DOCK1: variants seen among roughly 807,000 people sequenced by gnomAD.
DOCK1 encodes the protein dedicator of cytokinesis 1, also known as dedicator of cytokinesis protein 1.
A neutral mutation model predicts 262.7 loss-of-function variants in DOCK1; 138 were observed. The ratio of observed to expected loss-of-function variants is 0.53; its 90% CI spans 0.46 to 0.61. The LOEUF is 0.61. Ranked by LOEUF, DOCK1 falls within the 20% of genes least tolerant of loss-of-function variation. DOCK1 has a pLI of 0.00. For missense variants in DOCK1, 1,908 were observed against 2,370.7 expected (o/e 0.80, Z 4.05); for synonymous variants, 866 against 867.4 (o/e 1.00, Z 0.03).
rs1044545293 is a variant in DOCK1, at chr10:126,938,377, A to G, written c.47-32325A>G. On this transcript the variant is annotated intron_variant, in intron 1 of 51. Transcript: ENST00000623213. ...TTCATTTTTTTGCTTGTGAATATCC[A>G]GTCTTCAGCCATTTGTTGAAACCAT... is the stretch of plus-strand genomic sequence containing the variant. Among the ~76,000 whole-genome samples the G allele has an allele frequency of 7.3e-3, 1,110 of 151,664 alleles. 17 individuals carry two copies. The highest frequency in any genetic ancestry group is 0.025 in the African/African-American group (1,030 of 40,992).
intron 27 of DOCK1, among the ~76,000 whole-genome samples, chr10:127,191,543 G>A (rs776080946): frequency 2.6e-5 from 4 of 152,206 alleles, no homozygotes; most frequent in Non-Finnish European, 5.9e-5. Flanking sequence ...GTAGTAAGAG[G>A]TATCTAAAAT....
chr10:127,193,090 T>C (rs979686156), intron 27 of DOCK1, among the ~76,000 whole-genome samples: 9 of 152,180 alleles, frequency 5.9e-5, no homozygotes, highest in Admixed American at 3.9e-4. Context: ...CATAATGTTA[T>C]GAAATATTAA....
At chr10:127,104,294 T>G (rs2048411136) in intron 23 of DOCK1, among the ~76,000 whole-genome samples, 1 of 152,234 alleles carries the variant, frequency 6.6e-6, no homozygotes, top group Non-Finnish European at 1.5e-5. Flanking sequence ...ATTTATCAAT[T>G]TTTTCTTTTA....
chr10:127,044,348 G>A (rs1346761685), intron 21 of DOCK1, among the ~76,000 whole-genome samples: 1 of 152,136 alleles, frequency 6.6e-6, no homozygotes, highest in Non-Finnish European at 1.5e-5. Context: ...TGGAGCTCCA[G>A]GAAGGCTAAG....
intron 1 of DOCK1, among the ~76,000 whole-genome samples, chr10:126,917,982 C>T (rs2032703930): frequency 6.6e-6 from 1 of 152,198 alleles, no homozygotes; most frequent in South Asian, 2.1e-4. Context: ...TAGTTAGGAG[C>T]TTGGGCCTGC....
chr10:127,013,989 A>G lies in DOCK1; in HGVS notation c.1201+1615A>G, dbSNP rs993095784. On this transcript the variant is annotated intron_variant, in intron 12 of 51. Transcript: ENST00000623213. ...TAACCTGATCCTTGCTTGTCTGTCAAGTGACTGTTAGCGGCCCCAGGAGTG... is the reference window on the plus strand; with the variant it reads ...TAACCTGATCCTTGCTTGTCTGTCAGGTGACTGTTAGCGGCCCCAGGAGTG... Among the ~76,000 whole-genome samples, 4 of 152,230 alleles carry G rather than the reference A, an allele frequency of 2.6e-5. No homozygotes were observed. The East Asian group carries it at 7.7e-4, about 29-fold the overall frequency.
intron 29 of DOCK1, among the ~76,000 whole-genome samples, chr10:127,333,810 C>T (rs900997944): frequency 5.3e-5 from 8 of 152,154 alleles, no homozygotes; most frequent in African/African-American, 7.2e-5. Context: ...TTACCAAATG[C>T]GACTTTACAT....
intron 32 of DOCK1, among the ~76,000 whole-genome samples, chr10:127,358,341 C>A (rs1470598697): frequency 6.6e-6 from 1 of 152,126 alleles, no homozygotes; most frequent in African/African-American, 2.4e-5. Flanking sequence ...TGTTTCTTTC[C>A]CTCCCAAACC....
intron 33 of DOCK1, among the ~76,000 whole-genome samples, chr10:127,366,358 G>A (rs1190013427): frequency 6.6e-6 from 1 of 152,100 alleles, no homozygotes; most frequent in Non-Finnish European, 1.5e-5. Flanking sequence ...TCCCAAGCCT[G>A]CAGCATCATC....
At chr10:127,097,586 C>T (rs558047484) in intron 23 of DOCK1, among the ~76,000 whole-genome samples, 5 of 152,218 alleles carry the variant, frequency 3.3e-5, no homozygotes, top group South Asian at 4.2e-4. Context: ...GTCCTGCACA[C>T]GTGTTGATTG....
chr10:127,025,784 C>T (rs1000767009), intron 15 of DOCK1, among the ~76,000 whole-genome samples: 4 of 151,984 alleles, frequency 2.6e-5, no homozygotes, highest in Admixed American at 6.6e-5. Context: ...GAATCTTGGC[C>T]GGATGTGGTG....
At chr10:127,194,666 T>C (rs749427982) in intron 27 of DOCK1, among the ~76,000 whole-genome samples, 2 of 151,842 alleles carry the variant, frequency 1.3e-5, no homozygotes, top group Non-Finnish European at 2.9e-5. Flanking sequence ...ACTCTGACAG[T>C]CCCCCCACTG....
At chr10:126,950,522 C>T (rs2036120423) in intron 1 of DOCK1, among the ~76,000 whole-genome samples, 1 of 152,050 alleles carries the variant, frequency 6.6e-6, no homozygotes, top group African/African-American at 2.4e-5. Context: ...TTTGACAGTG[C>T]CCAGAATTGT....
rs528810224 is a variant in DOCK1, at chr10:127,081,563, C to T, written c.2445+19787C>T. ...CTGTCTTCACTCCTCTGTCCGCTTT[C>T]ATCTCTTTCCTGGTGAGTCTCTGCC... On this transcript the variant is annotated intron_variant, in intron 23 of 51. Coordinates refer to ENST00000623213, the MANE Select transcript of DOCK1 (RefSeq NM_001290223.2). Among the ~76,000 whole-genome samples, 303 of 152,272 alleles carry T rather than the reference C, an allele frequency of 2.0e-3. 1 individual carries two copies. Among genetic ancestry groups the T allele is most frequent in the African/African-American group, 6.8e-3 (283 of 41,544 alleles).
intron 47 of DOCK1, among the ~76,000 whole-genome samples, chr10:127,432,128 A>T (rs544930817): frequency 2.6e-5 from 4 of 152,304 alleles, no homozygotes; most frequent in African/African-American, 9.6e-5. Flanking sequence ...GAAAAATTGT[A>T]TTCCACGATA....
intron 5 of DOCK1, among the ~76,000 whole-genome samples, chr10:126,989,565 A>C (rs966821975): frequency 6.6e-6 from 1 of 152,128 alleles, no homozygotes; most frequent in Non-Finnish European, 1.5e-5. Flanking sequence ...GGACTCAAGC[A>C]ATCCTCCCGC....
At chr10:127,404,522 G>A (rs541526900) in intron 40 of DOCK1, 93 bp downstream of exon 40, 67 of 1,230,194 alleles carry the variant, frequency 5.4e-5, no homozygotes, top group South Asian at 3.3e-4. Context: ...GTTTGCATCC[G>A]CGTGGGATCG....
At chr10:126,989,491 T>A (rs965266777) in intron 5 of DOCK1, among the ~76,000 whole-genome samples, 1 of 152,074 alleles carries the variant, frequency 6.6e-6, no homozygotes, top group African/African-American at 2.4e-5. Context: ...CATGCTCAGC[T>A]AATTTTTTTA....
rs2059491710 is a variant in DOCK1, at chr10:127,248,070, C to G, written c.2910C>G (p.His970Gln). The change falls in exon 28 of 52, where the codon CAC (histidine) becomes CAG (glutamine). Residue 970 changes from histidine (H) to glutamine (Q), a missense_variant. Physicochemically the swap from His to Gln is conservative, Grantham distance 24. Around this residue, in one of 9 missense-constraint regions of DOCK1, gnomAD observed 518 missense variants for 575.1 expected, o/e 0.90. Coordinates refer to ENST00000623213, the MANE Select transcript of DOCK1 (RefSeq NM_001290223.2). ...AAATGGAAGATTACCATTATGCCCACTTGATCAAGACTTTTGGGAAAATGA... is the reference window on the plus strand; with the variant it reads ...AAATGGAAGATTACCATTATGCCCAGTTGATCAAGACTTTTGGGAAAATGA... ...LRQMEDYHYA[H>Q]LIKTFGKMRT... The G allele has an allele frequency of 6.2e-7, 1 of 1,613,908 alleles. No individual in the cohort carries two copies. Among genetic ancestry groups the G allele is most frequent in the Admixed American group, 1.7e-5 (1 of 60,002 alleles).
Sources: gnomAD v4.1 joint callset for allele counts (sites outside exome capture counted in the v4.1 genomes callset) on GRCh38, gnomAD v4.1.1 for gene constraint, gnomAD v4.1.1 regional missense constraint, MANE v1.5 for transcripts, NCBI Gene and HGNC (gene_info 2026-07-23, HGNC 2026-07-21) for gene names.